Variants in MCPH1 observed in about 807,000 individuals in gnomAD.
The protein encoded by MCPH1 is microcephalin 1, also known as microcephalin.
MCPH1 carries 104 observed loss-of-function variants against 84.5 expected under a neutral mutation model. That is an observed-to-expected ratio of 1.23 (90% CI 1.05 to 1.45). The LOEUF is 1.45. MCPH1 is among the 40% of genes most tolerant of loss of function. The pLI, the probability that MCPH1 is intolerant of heterozygous loss-of-function variation, is 0.00. For synonymous variants in MCPH1, 514 were observed against 366.8 expected, an observed-to-expected ratio of 1.40 and a Z score of -4.58; for missense variants, 1,498 against 1,005.7, an observed-to-expected ratio of 1.49 and a Z score of -6.62.
At chr8:6,492,303 CG>C (rs1810703584) in intron 11 of MCPH1, among the ~76,000 whole-genome samples, 1 of 152,126 alleles carries the variant, frequency 6.6e-6, no homozygotes, top group Non-Finnish European at 1.5e-5. Flanking sequence ...TCATATCCTT[CG>C]CCCACTTGTT....
At chr8:6,488,003 A>G (rs937429475) in intron 11 of MCPH1, among the ~76,000 whole-genome samples, 9 of 152,222 alleles carry the variant, frequency 5.9e-5, no homozygotes, top group Non-Finnish European at 1.2e-4. Context: ...ATTTATCTCC[A>G]GGACACCTAA....
At chr8:6,564,541 A>C (rs1345696071) in intron 12 of MCPH1, among the ~76,000 whole-genome samples, 1 of 151,600 alleles carries the variant, frequency 6.6e-6, no homozygotes, top group Non-Finnish European at 1.5e-5. Context: ...TTAACTCAGC[A>C]GCCCAAGTGT....
intron 12 of MCPH1, among the ~76,000 whole-genome samples, chr8:6,505,474 T>TGTAC (rs1813352773): frequency 2.0e-5 from 1 of 50,412 alleles, no homozygotes; most frequent in African/African-American, 8.2e-5. Context: ...ATTCTTTACA[T>TGTAC]ATATAGAATA....
At chr8:6,628,565 T>G (rs989001609) in intron 13 of MCPH1, among the ~76,000 whole-genome samples, 1 of 151,782 alleles carries the variant, frequency 6.6e-6, no homozygotes, top group African/African-American at 2.4e-5. Context: ...ATAAGAAATA[T>G]TGTAGACAAG....
intron 12 of MCPH1, among the ~76,000 whole-genome samples, chr8:6,539,014 C>G (rs954749135): frequency 2.2e-5 from 3 of 139,476 alleles, no homozygotes; most frequent in African/African-American, 8.1e-5. Flanking sequence ...CCTCCCCCTC[C>G]TTTTAGAGTT....
intron 12 of MCPH1, among the ~76,000 whole-genome samples, chr8:6,576,412 T>A (rs759588686): frequency 9.9e-5 from 15 of 152,152 alleles, no homozygotes; most frequent in Non-Finnish European, 1.8e-4. Flanking sequence ...CTCATTATCC[T>A]CGCTAAAATG....
chr8:6,514,415 C>T (rs1052156004), intron 12 of MCPH1, among the ~76,000 whole-genome samples: 31 of 152,136 alleles, frequency 2.0e-4, no homozygotes, highest in African/African-American at 7.0e-4. Flanking sequence ...TCTCAAACTC[C>T]TGACCTCAGG....
chr8:6,407,761 A>C (rs574271317), intron 1 of MCPH1, among the ~76,000 whole-genome samples: 31 of 152,364 alleles, frequency 2.0e-4, no homozygotes, highest in African/African-American at 7.2e-4. Context: ...TCAGGTTTTG[A>C]GAAGAGGATA....
At chr8:6,505,249 C>T (rs1183058968) in intron 12 of MCPH1, among the ~76,000 whole-genome samples, 164 of 16,210 alleles carry the variant, frequency 0.01, 26 homozygotes, top group African/African-American at 0.024. Flanking sequence ...AATATATATT[C>T]TTTATATATG....
chr8:6,523,643 G>T (rs1198538449), intron 12 of MCPH1, among the ~76,000 whole-genome samples: 1 of 152,120 alleles, frequency 6.6e-6, no homozygotes, highest in Non-Finnish European at 1.5e-5. Flanking sequence ...GGGCTGTTGT[G>T]CAGTGGCGCG....
intron 12 of MCPH1, chr8:6,502,928 A>C (rs1273161826): frequency 2.9e-6 from 2 of 692,514 alleles, no homozygotes; most frequent in Non-Finnish European, 4.8e-6. Flanking sequence ...TAAGTGATGC[A>C]AGTTTAAGTG....
Position 6,475,980 on chromosome 8 carries a change from G to A in MCPH1, c.1936-1614G>A, listed in dbSNP as rs994851006. On this transcript the variant is annotated intron_variant, in intron 9 of 13. Coordinates refer to ENST00000344683, the MANE Select transcript of MCPH1 (RefSeq NM_024596.5). ...CTGGGGGTGGCAGGTGGAAGCTGTCGAGGGAAACTAAGCCCTGTTTCTGGT... is the reference window on the plus strand; with the variant it reads ...CTGGGGGTGGCAGGTGGAAGCTGTCAAGGGAAACTAAGCCCTGTTTCTGGT... Among the ~76,000 whole-genome samples the A allele has an allele frequency of 5.9e-5, 9 of 152,224 alleles. No individual in the cohort carries two copies. The East Asian group carries it at 7.7e-4, about 13-fold the overall frequency.
At chr8:6,539,249 G>A (rs761180553) in intron 12 of MCPH1, among the ~76,000 whole-genome samples, 10 of 152,222 alleles carry the variant, frequency 6.6e-5, no homozygotes, top group African/African-American at 9.6e-5. Flanking sequence ...GACGTGGGAA[G>A]CAAGTTTTCT....
At chr8:6,583,280 A>G (rs1827706402) in intron 12 of MCPH1, among the ~76,000 whole-genome samples, 1 of 152,116 alleles carries the variant, frequency 6.6e-6, no homozygotes, top group Non-Finnish European at 1.5e-5. Context: ...AACGAGATAC[A>G]TGTGCAGAAC....
At chr8:6,433,685 G>T (rs916362317) in intron 4 of MCPH1, among the ~76,000 whole-genome samples, 1 of 148,646 alleles carries the variant, frequency 6.7e-6, no homozygotes, top group East Asian at 2.0e-4. Context: ...ACCAATATTG[G>T]ATGTTACTAA....
intron 12 of MCPH1, chr8:6,500,186 AAAC>A: frequency 2.1e-6 from 1 of 471,236 alleles, no homozygotes; most frequent in Non-Finnish European, 3.9e-6. Flanking sequence ...GAACTGAGAA[AAAC>A]AAAAATGAAA....
chr8:6,461,382 G>T (rs1314794296), intron 9 of MCPH1, among the ~76,000 whole-genome samples: 2 of 137,112 alleles, frequency 1.5e-5, no homozygotes, highest in East Asian at 4.4e-4. Context: ...CTGAAGTGCA[G>T]TGGCCCAGTC....
intron 12 of MCPH1, among the ~76,000 whole-genome samples, chr8:6,518,021 C>T (rs115512325): frequency 7.9e-5 from 12 of 151,308 alleles, no homozygotes; most frequent in African/African-American, 2.2e-4. Context: ...ACCTGAGGCT[C>T]ATATAATCCC....
At chr8:6,569,138 G>A (rs1218933471) in intron 12 of MCPH1, among the ~76,000 whole-genome samples, 1 of 152,132 alleles carries the variant, frequency 6.6e-6, no homozygotes, top group Non-Finnish European at 1.5e-5. Context: ...ACATAAAACT[G>A]TTGTTAAAGT....
Sources: allele counts gnomAD v4.1 joint callset (sites outside exome capture counted in the v4.1 genomes callset), GRCh38; gene constraint gnomAD v4.1.1; transcripts MANE v1.5; gene names NCBI Gene and HGNC (gene_info 2026-07-23, HGNC 2026-07-21).